Variants in TSPAN9 observed in about 807,000 individuals in gnomAD.
The protein encoded by TSPAN9 is tetraspanin-9.
In TSPAN9, 16 loss-of-function variants were observed where a neutral mutation model predicts 31.0. That is an observed-to-expected ratio of 0.52 (90% CI 0.35 to 0.78). The LOEUF (loss-of-function observed/expected upper bound fraction) is 0.78, where lower values mean the gene tolerates loss of function less well. TSPAN9 is among the 30% of genes least tolerant of loss of function. The probability of loss-of-function intolerance (pLI) is 0.01; values close to 1 mark genes in which losing one functional copy is unlikely to be tolerated. For missense variants in TSPAN9, 272 were observed against 312.5 expected, an observed-to-expected ratio of 0.87 and a Z score of 0.98; for synonymous variants, 145 against 121.6, an observed-to-expected ratio of 1.19 and a Z score of -1.27.
chr12:3,246,906 C>A (rs765925644), intron 3 of TSPAN9, among the ~76,000 whole-genome samples: 1 of 152,178 alleles, frequency 6.6e-6, no homozygotes, highest in South Asian at 2.1e-4. Context: ...CAGGACCGTT[C>A]AGGGGATAGT....
At chr12:3,209,293 G>A (rs1003022761) in intron 3 of TSPAN9, among the ~76,000 whole-genome samples, 1 of 152,042 alleles carries the variant, frequency 6.6e-6, no homozygotes, top group Non-Finnish European at 1.5e-5. Context: ...ATTCACGCAC[G>A]TTGATAGTCG....
intron 3 of TSPAN9, among the ~76,000 whole-genome samples, chr12:3,231,253 A>G (rs769377442): frequency 3.3e-5 from 5 of 152,158 alleles, no homozygotes; most frequent in East Asian, 1.9e-4. Context: ...GGCAGTCCCA[A>G]GTTCCCTAAC....
chr12:3,139,494 T>A (rs1258608391), intron 2 of TSPAN9, among the ~76,000 whole-genome samples: 1 of 152,204 alleles, frequency 6.6e-6, no homozygotes, highest in Non-Finnish European at 1.5e-5. Context: ...CTCTGCTCCT[T>A]CTTGACCTGG....
In TSPAN9 at chr12:3,109,162, T is replaced by C. The variant is rs537832361; in HGVS notation, c.-18+25443T>C. On this transcript the variant is annotated intron_variant, in intron 2 of 8. Coordinates refer to ENST00000011898, the MANE Select transcript of TSPAN9 (RefSeq NM_006675.5). ...CGTGTTAGCCAGGATGGTCTCGATCTCCTGACCTCGTGATCCGCCCGCCTT... is the reference window on the plus strand; with the variant it reads ...CGTGTTAGCCAGGATGGTCTCGATCCCCTGACCTCGTGATCCGCCCGCCTT... 2.6e-5 allele frequency among the ~76,000 whole-genome samples: 4 copies of C among 151,994 alleles called. No homozygotes were observed. In the South Asian group the frequency reaches 8.3e-4, roughly 32 times the overall value.
At chr12:3,135,739 G>T (rs2098331823) in intron 2 of TSPAN9, among the ~76,000 whole-genome samples, 1 of 152,186 alleles carries the variant, frequency 6.6e-6, no homozygotes, top group Non-Finnish European at 1.5e-5. Context: ...CCCCTTGATG[G>T]CATGGGGACT....
chr12:3,173,819 C>G (rs2098353494), intron 2 of TSPAN9: 2 of 152,352 alleles, frequency 1.3e-5, no homozygotes, highest in Admixed American at 1.3e-4. Context: ...AGATCTCTCT[C>G]TCTCCTTTCT....
At chr12:3,195,759 C>CAA (rs1682181301) in intron 2 of TSPAN9, among the ~76,000 whole-genome samples, 1 of 152,230 alleles carries the variant, frequency 6.6e-6, no homozygotes, top group Non-Finnish European at 1.5e-5. Context: ...CCAGGCTTTT[C>CAA]ATATGCCATG....
rs1376240890 is a variant in TSPAN9 at position 3,286,222 on chromosome 12, C to G, written c.*3106C>G. ...GGTGCTTGGGGTCCATTCTTTGTCC[C>G]TCAGCTTCTCAGAGTCCGGCCAGCC... On this transcript the variant is annotated 3_prime_UTR_variant, in exon 9 of 9. Coordinates refer to ENST00000011898, the MANE Select transcript of TSPAN9 (RefSeq NM_006675.5). The surrounding 1 kb of genome is among the most constrained non-coding windows in gnomAD (Gnocchi z 4.1). 1 of 152,842 alleles carries G rather than the reference C, an allele frequency of 6.5e-6. No individual in the cohort carries two copies. The highest frequency in any genetic ancestry group is 1.5e-5 in the Non-Finnish European group (1 of 68,184). The allele number at this position is 152,842 out of a possible 1,614,324, so 9.5% of individuals were successfully genotyped here. A position where few individuals can be genotyped will look rare whatever the true frequency, so the allele number is the denominator to read the frequency against.
At chr12:3,206,641 G>A (rs1366494437) in intron 3 of TSPAN9, among the ~76,000 whole-genome samples, 1 of 151,892 alleles carries the variant, frequency 6.6e-6, no homozygotes, top group Non-Finnish European at 1.5e-5. Flanking sequence ...GAATCCTGTG[G>A]CCTTTCTGTT....
chr12:3,247,372 G>C (rs900557542), intron 3 of TSPAN9, among the ~76,000 whole-genome samples: 1 of 144,556 alleles, frequency 6.9e-6, no homozygotes, highest in East Asian at 2.1e-4. Context: ...GTGTAAGCCA[G>C]CTTGGGGCAG....
intron 2 of TSPAN9, among the ~76,000 whole-genome samples, chr12:3,131,718 G>T (rs1408692774): frequency 6.6e-6 from 1 of 152,132 alleles, no homozygotes; most frequent in Non-Finnish European, 1.5e-5. Flanking sequence ...TTGTTACCAG[G>T]TATTGTGTCC....
At chr12:3,243,311 C>T (rs376451339) in intron 3 of TSPAN9, among the ~76,000 whole-genome samples, 9 of 152,138 alleles carry the variant, frequency 5.9e-5, no homozygotes, top group South Asian at 4.1e-4. Context: ...GGGCCGGGCA[C>T]GGAGCTGGGT....
intron 3 of TSPAN9, among the ~76,000 whole-genome samples, chr12:3,247,029 G>A (rs1286320357): frequency 6.6e-6 from 1 of 152,162 alleles, no homozygotes; most frequent in Non-Finnish European, 1.5e-5. Context: ...ATGGGTGGAA[G>A]GGAGGGTGCC....
chr12:3,238,062 C>G (rs980593713), intron 3 of TSPAN9, among the ~76,000 whole-genome samples: 1 of 152,176 alleles, frequency 6.6e-6, no homozygotes, highest in Non-Finnish European at 1.5e-5. Context: ...TCTTCCCTCC[C>G]CAGTCATCCT....
chr12:3,177,884 G>A (rs1242511438), intron 2 of TSPAN9, among the ~76,000 whole-genome samples: 1 of 152,176 alleles, frequency 6.6e-6, no homozygotes, highest in Admixed American at 6.5e-5. Context: ...AGAAGGACAG[G>A]CGGGTGACGG....
At chr12:3,234,542 A>G (rs550148468) in intron 3 of TSPAN9, among the ~76,000 whole-genome samples, 1 of 152,122 alleles carries the variant, frequency 6.6e-6, no homozygotes, top group South Asian at 2.1e-4. Flanking sequence ...CCCGTTCCTT[A>G]CCTCCAAAAG....
intron 3 of TSPAN9, among the ~76,000 whole-genome samples, chr12:3,244,729 A>G (rs934342298): frequency 5.3e-5 from 8 of 152,236 alleles, no homozygotes; most frequent in African/African-American, 1.9e-4. Context: ...GACCCGGGTA[A>G]TGGGGAGAGG....
In TSPAN9 at chr12:3,284,417, T is replaced by C. The variant is rs1168880319; in HGVS notation, c.*1301T>C. 6.6e-6 allele frequency: 1 copy of C among 152,298 alleles called. No individual in the cohort carries two copies. The highest frequency in any genetic ancestry group is 1.5e-5 in the Non-Finnish European group (1 of 68,044). The allele number at this position is 152,298 out of a possible 1,614,324, so 9.4% of individuals were successfully genotyped here. On this transcript the variant is annotated 3_prime_UTR_variant, in exon 9 of 9. Transcript: ENST00000011898. ...TCACGTCCACCTGGGTCCCAAGATCTTCGCCTCCTTCCCTGGGGCCACGGA... is the reference window on the plus strand; with the variant it reads ...TCACGTCCACCTGGGTCCCAAGATCCTCGCCTCCTTCCCTGGGGCCACGGA...
rs1298426926 is a variant in TSPAN9, at chr12:3,280,849, C to A, written c.433-349C>A. ...AGTCCCAGATGCTCCCATTTTAAGC[C>A]CTGGGGAGGGGCCGGCAGGGGGTTG... On this transcript the variant is annotated intron_variant, in intron 6 of 8. Transcript: ENST00000011898. The surrounding 1 kb of genome is among the most constrained non-coding windows in gnomAD (Gnocchi z 4.5). Among the ~76,000 whole-genome samples, 1 of 152,268 alleles carries A rather than the reference C, an allele frequency of 6.6e-6. No homozygotes were observed. Among genetic ancestry groups the A allele is most frequent in the East Asian group, 1.9e-4 (1 of 5,182 alleles).
Sources: allele counts gnomAD v4.1 joint callset (sites outside exome capture counted in the v4.1 genomes callset), GRCh38; gene constraint gnomAD v4.1.1; non-coding constraint Gnocchi (gnomAD v3.1); transcripts MANE v1.5; gene names NCBI Gene and HGNC (gene_info 2026-07-23, HGNC 2026-07-21).